The following PEBP4 variants were observed in gnomAD, a reference collection of about 807,000 sequenced individuals.
PEBP4 encodes the protein phosphatidylethanolamine-binding protein 4.
In PEBP4, 22 loss-of-function variants were observed where a neutral mutation model predicts 23.9. The observed-to-expected ratio is 0.92, with a 90% CI of 0.66 to 1.31. The LOEUF (loss-of-function observed/expected upper bound fraction) is 1.31. Ranked by LOEUF, PEBP4 falls within the 40% of genes most tolerant of loss-of-function variation. The probability of loss-of-function intolerance (pLI) is 0.00; values close to 1 mark genes in which losing one functional copy is unlikely to be tolerated. For synonymous variants in PEBP4, 112 were observed against 99.3 expected, an observed-to-expected ratio of 1.13 and a Z score of -0.76; for missense variants, 324 against 281.7, an observed-to-expected ratio of 1.15 and a Z score of -1.07.
At chr8:22,823,642 T>C (rs569668021) in intron 3 of PEBP4, among the ~76,000 whole-genome samples, 1 of 151,816 alleles carries the variant, frequency 6.6e-6, no homozygotes, top group Admixed American at 6.6e-5. Context: ...GAAGGGAAGA[T>C]TGATATATCT....
At chr8:22,918,879 G>A (rs1809135515) in intron 3 of PEBP4, among the ~76,000 whole-genome samples, 1 of 152,226 alleles carries the variant, frequency 6.6e-6, no homozygotes, top group Non-Finnish European at 1.5e-5. Context: ...GGTTTCCAGG[G>A]AAGAGGGCTG....
At chr8:22,805,434 C>A (rs1806475237) in intron 4 of PEBP4, among the ~76,000 whole-genome samples, 1 of 152,258 alleles carries the variant, frequency 6.6e-6, no homozygotes, top group Non-Finnish European at 1.5e-5. Flanking sequence ...TCAAGCGATT[C>A]TCCTGCCTCA....
intron 4 of PEBP4, among the ~76,000 whole-genome samples, chr8:22,734,167 G>A (rs967373518): frequency 6.6e-6 from 1 of 152,210 alleles, no homozygotes; most frequent in African/African-American, 2.4e-5. Flanking sequence ...AAGGGTAAGT[G>A]AGCGGAAGGC....
At chr8:22,798,728 C>CTTTTTTTTTTTTTTTTTT (rs58435864) in intron 4 of PEBP4, 2 of 84,220 alleles carry the variant, frequency 2.4e-5, no homozygotes, top group East Asian at 4.5e-4. Context: ...TTTCTTTTTT[C>CTTTTTTTTTTTTTTTTTT]TTTTTTTTTT....
intron 3 of PEBP4, among the ~76,000 whole-genome samples, chr8:22,912,874 G>T (rs1183089865): frequency 6.6e-6 from 1 of 152,264 alleles, no homozygotes; most frequent in Admixed American, 6.5e-5. Context: ...AAAATGACCT[G>T]ATTCGTCCTT....
At chr8:22,817,355 G>T (rs1256159803) in intron 4 of PEBP4, among the ~76,000 whole-genome samples, 1 of 152,204 alleles carries the variant, frequency 6.6e-6, no homozygotes, top group South Asian at 2.1e-4. Context: ...CACCACTCCC[G>T]TGGTGGGAGT....
At chr8:22,732,385 C>G (rs1198671369) in intron 4 of PEBP4, among the ~76,000 whole-genome samples, 1 of 151,952 alleles carries the variant, frequency 6.6e-6, no homozygotes, top group Non-Finnish European at 1.5e-5. Context: ...AGGGGAACAA[C>G]ACACACAACT....
intron 5 of PEBP4, among the ~76,000 whole-genome samples, chr8:22,725,986 G>A (rs188739577): frequency 1.6e-4 from 22 of 135,850 alleles, no homozygotes; most frequent in Admixed American, 6.2e-4. Context: ...TTTTTGGATC[G>A]CAGATCAGAT....
intron 3 of PEBP4, among the ~76,000 whole-genome samples, chr8:22,819,729 C>G (rs1440094194): frequency 6.6e-6 from 1 of 152,130 alleles, no homozygotes; most frequent in Non-Finnish European, 1.5e-5. Flanking sequence ...GCCTCAGCCT[C>G]CCAAGTAGCT....
intron 4 of PEBP4, among the ~76,000 whole-genome samples, chr8:22,728,800 G>A (rs1804676980): frequency 6.6e-6 from 1 of 152,100 alleles, no homozygotes; most frequent in African/African-American, 2.4e-5. Context: ...GTTTTACTAT[G>A]TTGGTCAGAC....
chr8:22,938,200 T>C (rs1358951239), intron 1 of PEBP4, among the ~76,000 whole-genome samples: 1 of 152,142 alleles, frequency 6.6e-6, no homozygotes, highest in Admixed American at 6.5e-5. Context: ...AGAACCCCCT[T>C]CGACAACACT....
At chr8:22,856,369 G>C (rs1403015839) in intron 3 of PEBP4, among the ~76,000 whole-genome samples, 5 of 152,178 alleles carry the variant, frequency 3.3e-5, no homozygotes, top group African/African-American at 4.8e-5. Flanking sequence ...TTGACAGTAT[G>C]ATAATAGAAA....
chr8:22,826,061 T>C (rs550089624), intron 3 of PEBP4, among the ~76,000 whole-genome samples: 1 of 152,282 alleles, frequency 6.6e-6, no homozygotes, highest in South Asian at 2.1e-4. Context: ...GAGTTGCTCA[T>C]TGATGAGTAT....
At chr8:22,919,730 G>C (rs1232753479) in intron 3 of PEBP4, among the ~76,000 whole-genome samples, 1 of 152,208 alleles carries the variant, frequency 6.6e-6, no homozygotes, top group African/African-American at 2.4e-5. Flanking sequence ...AACTTGGGAA[G>C]CTCTGTCTTG....
At chr8:22,787,076 G>C (rs1171021321) in intron 4 of PEBP4, among the ~76,000 whole-genome samples, 1 of 152,198 alleles carries the variant, frequency 6.6e-6, no homozygotes, top group Non-Finnish European at 1.5e-5. Flanking sequence ...TCCTGCCTCG[G>C]CTTCCCAAGA....
intron 1 of PEBP4, among the ~76,000 whole-genome samples, chr8:22,938,984 C>G (rs1809575266): frequency 6.6e-6 from 1 of 152,218 alleles, no homozygotes; most frequent in Non-Finnish European, 1.5e-5. Flanking sequence ...TCCAAAGTCA[C>G]CCAACATGCA....
intron 4 of PEBP4, among the ~76,000 whole-genome samples, chr8:22,815,740 A>G (rs1806727411): frequency 6.6e-6 from 1 of 152,192 alleles, no homozygotes; most frequent in South Asian, 2.1e-4. Flanking sequence ...GCCACCTGTC[A>G]CCTGCCACCT....
chr8:22,931,640 G>A (rs1809459178), upstream of PEBP4, among the ~76,000 whole-genome samples: 2 of 152,060 alleles, frequency 1.3e-5, no homozygotes, highest in South Asian at 4.2e-4. Flanking sequence ...CTGGAATGCA[G>A]TGGCATGATC....
At chr8:22,849,185 C>T (rs756442944) in intron 3 of PEBP4, among the ~76,000 whole-genome samples, 1 of 152,166 alleles carries the variant, frequency 6.6e-6, no homozygotes, top group Non-Finnish European at 1.5e-5. Context: ...CTTCAGTATT[C>T]TCCATGGCTA....
Sources: allele counts gnomAD v4.1 joint callset (sites outside exome capture counted in the v4.1 genomes callset), GRCh38; gene constraint gnomAD v4.1.1; transcripts MANE v1.5; gene names NCBI Gene and HGNC (gene_info 2026-07-23, HGNC 2026-07-21).